Variants in MAP3K14 observed in about 807,000 individuals in gnomAD.
The protein encoded by MAP3K14 is NF-kappa-beta-inducing kinase.
In MAP3K14, 16 loss-of-function variants were observed where a neutral mutation model predicts 99.2. The observed-to-expected ratio is 0.16, with a 90% CI of 0.11 to 0.24. MAP3K14 has a LOEUF of 0.24. MAP3K14 is among the 10% of genes least tolerant of loss of function. The pLI is 1.00. For synonymous variants in MAP3K14, 462 were observed against 492.4 expected, an observed-to-expected ratio of 0.94 and a Z score of 0.82; for missense variants, 784 against 1,208.7, an observed-to-expected ratio of 0.65 and a Z score of 5.21.
intron 1 of MAP3K14, among the ~76,000 whole-genome samples, chr17:45,298,657 C>T (rs1270887546): frequency 6.6e-6 from 1 of 152,186 alleles, no homozygotes; most frequent in African/African-American, 2.4e-5. Flanking sequence ...AAGGTCTTGG[C>T]CCCAGAGTGT....
At chr17:45,298,621 A>T (rs1366793132) in intron 1 of MAP3K14, among the ~76,000 whole-genome samples, 1 of 152,236 alleles carries the variant, frequency 6.6e-6, no homozygotes, top group Non-Finnish European at 1.5e-5. Flanking sequence ...CAATGACTGG[A>T]GGCAGGCTGA....
chr17:45,305,137 G>T (rs1156568896), intron 1 of MAP3K14, among the ~76,000 whole-genome samples: 1 of 151,306 alleles, frequency 6.6e-6, no homozygotes, highest in Non-Finnish European at 1.5e-5. Flanking sequence ...TTGCTCTGTC[G>T]CCCAGGCTGG....
intron 1 of MAP3K14, among the ~76,000 whole-genome samples, chr17:45,308,224 T>C (rs1013031792): frequency 6.6e-6 from 1 of 152,162 alleles, no homozygotes; most frequent in Non-Finnish European, 1.5e-5. Flanking sequence ...CAGCAAATAT[T>C]TAATCAGTGG....
At chr17:45,283,639 A>C (rs1377038185) in intron 6 of MAP3K14, among the ~76,000 whole-genome samples, 2 of 152,170 alleles carry the variant, frequency 1.3e-5, no homozygotes, top group Non-Finnish European at 2.9e-5. Context: ...TACAGTGAGC[A>C]TTTCCTGTGT....
chr17:45,300,031 G>A (rs2044374146), intron 1 of MAP3K14, among the ~76,000 whole-genome samples: 1 of 152,214 alleles, frequency 6.6e-6, no homozygotes. Context: ...GGAGGTTGCA[G>A]TGAGCCGAGA....
intron 1 of MAP3K14, among the ~76,000 whole-genome samples, chr17:45,313,525 C>T (rs2143886174): frequency 1.3e-5 from 2 of 152,264 alleles, no homozygotes; most frequent in Admixed American, 1.3e-4. Flanking sequence ...CCGTGGCAGA[C>T]CTCGACCTGA....
intron 2 of MAP3K14, 89 bp from the exon 3 acceptor site, chr17:45,289,394 G>T: frequency 9.6e-7 from 1 of 1,037,076 alleles, no homozygotes. Flanking sequence ...ATCCCCTCTG[G>T]CGCCTCTCCT....
At chr17:45,275,974 G>C (rs1243452856) in intron 6 of MAP3K14, among the ~76,000 whole-genome samples, 9 of 152,020 alleles carry the variant, frequency 5.9e-5, no homozygotes, top group African/African-American at 2.2e-4. Context: ...TGCTGGCCAG[G>C]CTGGTCTCAA....
intron 1 of MAP3K14, among the ~76,000 whole-genome samples, chr17:45,310,868 G>T (rs899722428): frequency 6.6e-6 from 1 of 152,132 alleles, no homozygotes; most frequent in Non-Finnish European, 1.5e-5. Flanking sequence ...ATAAGACAGC[G>T]TCCAACAAAT....
At chr17:45,294,955 T>C (rs555676605) in intron 1 of MAP3K14, among the ~76,000 whole-genome samples, 12 of 152,234 alleles carry the variant, frequency 7.9e-5, no homozygotes, top group Non-Finnish European at 1.5e-4. Flanking sequence ...GAAAGTTCTA[T>C]TGGACAGTGC....
chr17:45,303,729 T>C lies in MAP3K14; in HGVS notation c.-20-12964A>G, dbSNP rs1045353541. On this transcript the variant is annotated intron_variant, in intron 1 of 15. Transcript: ENST00000344686. ...TCCAATTACTATACATATATAAACA[T>C]ATAGTTTGGGACTTTTTTTTTTTTT... 7.2e-4 allele frequency among the ~76,000 whole-genome samples: 109 copies of C among 151,774 alleles called. 1 individual carries two copies. Among genetic ancestry groups the C allele is most frequent in the African/African-American group, 2.5e-3 (104 of 41,390 alleles).
chr17:45,283,113 C>T (rs766930567), intron 6 of MAP3K14, among the ~76,000 whole-genome samples: 11 of 152,194 alleles, frequency 7.2e-5, no homozygotes, highest in Non-Finnish European at 1.3e-4. Context: ...GGGTTGTTTA[C>T]CTTGTTGCCT....
intron 1 of MAP3K14, among the ~76,000 whole-genome samples, chr17:45,310,023 C>A (rs1027564243): frequency 4.0e-5 from 6 of 148,712 alleles, no homozygotes; most frequent in African/African-American, 1.5e-4. Flanking sequence ...CCAAAGGAGT[C>A]CATCTTTTTT....
At chr17:45,273,853 C>A in intron 8 of MAP3K14, 3 of 645,656 alleles carry the variant, frequency 4.6e-6, no homozygotes, top group Non-Finnish European at 8.5e-6. Flanking sequence ...CGCTGCCACT[C>A]TGCTCGCCTG....
chr17:45,300,859 A>G (rs1422623923), intron 1 of MAP3K14, among the ~76,000 whole-genome samples: 1 of 152,038 alleles, frequency 6.6e-6, no homozygotes, highest in Non-Finnish European at 1.5e-5. Context: ...AAAAAAACAG[A>G]AAAAAGCATA....
In MAP3K14 at chr17:45,300,080, C is replaced by T. The variant is rs569961918; in HGVS notation, c.-20-9315G>A. On this transcript the variant is annotated intron_variant, in intron 1 of 15. Transcript: ENST00000344686. The stretch of plus-strand genomic sequence containing the variant: ...CTCCAGCCTGGGCAACAGAGCGAGA[C>T]TCCATCTCAAAAAAACAAAACTCAG... Among the ~76,000 whole-genome samples the T allele has an allele frequency of 1.1e-3, 170 of 152,284 alleles. 2 individuals carry two copies. Among genetic ancestry groups the T allele is most frequent in the Non-Finnish European group, 1.8e-4 (12 of 68,016 alleles).
chr17:45,282,792 G>A (rs112727351), intron 6 of MAP3K14, among the ~76,000 whole-genome samples: 4 of 152,054 alleles, frequency 2.6e-5, no homozygotes, highest in South Asian at 2.1e-4. Context: ...TCCACCTCCC[G>A]GTCCCCATCT....
At chr17:45,288,353 AG>A (rs2143825101) in intron 3 of MAP3K14, among the ~76,000 whole-genome samples, 2 of 150,704 alleles carry the variant, frequency 1.3e-5, no homozygotes, top group African/African-American at 4.9e-5. Flanking sequence ...TGATAGGGGA[AG>A]GAGCTGTTTC....
intron 15 of MAP3K14, 116 bp downstream of exon 15, chr17:45,265,047 T>G: frequency 1.1e-6 from 1 of 925,808 alleles, no homozygotes; most frequent in Non-Finnish European, 1.7e-6. Context: ...GAAGGCCAAT[T>G]CCAAGTATTC....
Sources: allele counts gnomAD v4.1 joint callset (sites outside exome capture counted in the v4.1 genomes callset), GRCh38; gene constraint gnomAD v4.1.1; transcripts MANE v1.5; gene names NCBI Gene and HGNC (gene_info 2026-07-23, HGNC 2026-07-21).